The following SLC37A1 variants were observed in gnomAD, a reference collection of about 807,000 sequenced individuals.
The protein encoded by SLC37A1 is solute carrier family 37 member 1.
In SLC37A1, 49 loss-of-function variants were observed where a neutral mutation model predicts 75.3. The observed-to-expected ratio is 0.65, with a 90% CI of 0.52 to 0.83. SLC37A1 has a LOEUF of 0.83. Ranked by LOEUF, SLC37A1 falls within the 40% of genes least tolerant of loss-of-function variation. The pLI is 0.00. For synonymous variants in SLC37A1, 268 were observed against 292.1 expected, an observed-to-expected ratio of 0.92 and a Z score of 0.84; for missense variants, 566 against 695.0, an observed-to-expected ratio of 0.81 and a Z score of 2.09.
chr21:42,551,164 TAAG>T (rs1284832605), intron 9 of SLC37A1, among the ~76,000 whole-genome samples: 1 of 152,154 alleles, frequency 6.6e-6, no homozygotes, highest in Non-Finnish European at 1.5e-5. Context: ...CAGAAAATCA[TAAG>T]GAGTCCTCAA....
chr21:42,542,075 C>T lies in SLC37A1; in HGVS notation c.487-329C>T, dbSNP rs569647259. On this transcript the variant is annotated intron_variant, in intron 6 of 19. Coordinates refer to ENST00000352133, the MANE Select transcript of SLC37A1 (RefSeq NM_001320537.2). ...TGAAGTTTTTGGATTCAAAAGAGAC[C>T]GGGAAGCTTGGCCCCACACTGTTAT... Among the ~76,000 whole-genome samples the T allele has an allele frequency of 3.3e-5, 5 of 152,258 alleles. No individual in the cohort carries two copies. The South Asian group carries it at 8.3e-4, about 25-fold the overall frequency.
Position 42,565,833 on chromosome 21 carries a change from A to C in SLC37A1, c.1228A>C (p.Ile410Leu), listed in dbSNP as rs1276066163. 2 of 1,614,036 alleles carry C rather than the reference A, an allele frequency of 1.2e-6. No homozygotes were observed. The highest frequency in any genetic ancestry group is 1.1e-5 in the South Asian group (1 of 91,072). Reference protein sequence around the residue: ...MLLLAAPTLYIFSTVSKMGLE... With the variant: ...MLLLAAPTLYLFSTVSKMGLE... ...TGTGTCTTGATGTCCACAGCTCTACATCTTCTCCACCGTCAGCAAGATGGG... is the reference window on the plus strand; with the variant it reads ...TGTGTCTTGATGTCCACAGCTCTACCTCTTCTCCACCGTCAGCAAGATGGG... The change falls in exon 15 of 20, where the codon ATC (isoleucine) becomes CTC (leucine). Residue 410 changes from isoleucine (I) to leucine (L), a missense_variant. Ile to Leu is a conservative substitution (Grantham distance 5, BLOSUM62 2). Transcript: ENST00000352133.
At chr21:42,508,029 C>G (rs1443160447) in intron 2 of SLC37A1, among the ~76,000 whole-genome samples, 1 of 151,550 alleles carries the variant, frequency 6.6e-6, no homozygotes, top group East Asian at 1.9e-4. Flanking sequence ...GTCCATAAAT[C>G]ATCAAATGCT....
upstream of SLC37A1, among the ~76,000 whole-genome samples, chr21:42,510,705 C>CA (rs995607645): frequency 5.3e-5 from 8 of 151,616 alleles, no homozygotes; most frequent in African/African-American, 1.9e-4. Context: ...AAATAGAGAG[C>CA]AAAAAAGATA....
rs1203576418 is a variant in SLC37A1 at position 42,514,967 on chromosome 21, T to C, written c.-179+250T>C. On this transcript the variant is annotated intron_variant, in intron 1 of 19. Transcript: ENST00000352133. The surrounding 1 kb of genome is among the most constrained non-coding windows in gnomAD (Gnocchi z 4.8). ...GGATAAATATTTTAGACTTCCCCCG[T>C]TGTTTTTTTATTAATCCCCTTTGAG... is the stretch of plus-strand genomic sequence containing the variant. 6.6e-6 allele frequency: 1 copy of C among 152,280 alleles called. No individual in the cohort carries two copies. Among genetic ancestry groups the C allele is most frequent in the Non-Finnish European group, 1.5e-5 (1 of 68,078 alleles). 9.4% of individuals were successfully genotyped at this position (152,280 alleles called of 1,614,324 possible).
chr21:42,574,642 AC>A (rs1471261642), intron 17 of SLC37A1, among the ~76,000 whole-genome samples, 175 bp from the exon 18 acceptor site: 7 of 151,956 alleles, frequency 4.6e-5, no homozygotes, highest in Admixed American at 1.3e-4. Flanking sequence ...GGAAGGCTCA[AC>A]CTATACTAGG....
At chr21:42,522,804 G>T (rs952589585) in intron 2 of SLC37A1, among the ~76,000 whole-genome samples, 1 of 152,200 alleles carries the variant, frequency 6.6e-6, no homozygotes, top group African/African-American at 2.4e-5. Context: ...ATTCATTAAG[G>T]TGTCTCCCTC....
Position 42,518,407 on chromosome 21 carries a change from G to A in SLC37A1, c.-48G>A. The A allele has an allele frequency of 6.2e-7, 1 of 1,611,842 alleles. No homozygotes were observed. Among genetic ancestry groups the A allele is most frequent in the Non-Finnish European group, 8.5e-7 (1 of 1,178,044 alleles). On this transcript the variant is annotated 5_prime_UTR_variant, in exon 2 of 20. An upstream start codon of the reference 5' UTR is lost. Coordinates refer to ENST00000352133, the MANE Select transcript of SLC37A1 (RefSeq NM_001320537.2). Reference sequence around the variant, plus strand: ...GAGCCAGGATTAATGACTCATTTATGAAGCATCTTATTCTGCGACCGAGGC... The same window carrying A: ...GAGCCAGGATTAATGACTCATTTATAAAGCATCTTATTCTGCGACCGAGGC...
intron 2 of SLC37A1, among the ~76,000 whole-genome samples, chr21:42,507,174 C>T (rs1424394098): frequency 1.3e-5 from 2 of 152,238 alleles, no homozygotes; most frequent in Non-Finnish European, 2.9e-5. Flanking sequence ...TGAGCCACCA[C>T]ACCCAGCCCA....
rs1357565049 is a variant in SLC37A1 at position 42,545,181 on chromosome 21, A to G, written c.730+1579A>G. 1.3e-5 allele frequency among the ~76,000 whole-genome samples: 2 copies of G among 152,170 alleles called. No homozygotes were observed. The highest frequency in any genetic ancestry group is 2.9e-5 in the Non-Finnish European group (2 of 68,022). The stretch of plus-strand genomic sequence containing the variant: ...CCCTGGGTCCTCTGGCCACAGGCCC[A>G]CTCACCTACAGGAAGGCTGCATGCT... On this transcript the variant is annotated intron_variant, in intron 8 of 19. Coordinates refer to ENST00000352133, the MANE Select transcript of SLC37A1 (RefSeq NM_001320537.2). This position sits in a 1 kb window ranked among gnomAD's most constrained non-coding sequence, Gnocchi z 4.0.
chr21:42,527,130 G>T (rs1005026638), intron 3 of SLC37A1, among the ~76,000 whole-genome samples: 1 of 152,212 alleles, frequency 6.6e-6, no homozygotes, highest in African/African-American at 2.4e-5. Context: ...GTGGATTGTA[G>T]GGGAAGAAAA....
chr21:42,504,489 T>C (rs1328356016), intron 2 of SLC37A1, among the ~76,000 whole-genome samples: 1 of 152,250 alleles, frequency 6.6e-6, no homozygotes, highest in African/African-American at 2.4e-5. Flanking sequence ...TATTTTCTTT[T>C]GTTACTATCT....
chr21:42,570,822 T>G (rs1466640777), intron 17 of SLC37A1, among the ~76,000 whole-genome samples: 1 of 152,220 alleles, frequency 6.6e-6, no homozygotes, highest in African/African-American at 2.4e-5. Context: ...CAGAGGCCAC[T>G]GCCCACCACT....
At position 42,580,737 on chromosome 21, in the gene SLC37A1, C is replaced by G. The variant is rs567545617; in HGVS notation, c.*377C>G. On this transcript the variant is annotated 3_prime_UTR_variant, in exon 20 of 20. Transcript: ENST00000352133. The stretch of plus-strand genomic sequence containing the variant: ...CTCAGGCATTCCAGCCACAGAACAT[C>G]AAAGTGAGCGAGTACTGCGCTGGCT... The G allele has an allele frequency of 1.5e-5, 5 of 332,764 alleles. No homozygotes were observed. The highest frequency in any genetic ancestry group is 5.6e-6 in the Non-Finnish European group (1 of 178,272). The allele number at this position is 332,764 out of a possible 1,614,324, so 20.6% of individuals were successfully genotyped here.
chr21:42,518,522 T>A lies in SLC37A1; in HGVS notation c.56+12T>A, dbSNP rs1445993460. 4.3e-6 allele frequency: 7 copies of A among 1,613,956 alleles called. No individual in the cohort carries two copies. The highest frequency in any genetic ancestry group is 5.1e-6 in the Non-Finnish European group (6 of 1,179,966). ...TCCAGGGATCAGTGGTGAGTCCTGG[T>A]GGGGCAGGCCCTTGGCATGGAGCTG... is the stretch of plus-strand genomic sequence containing the variant. On this transcript the variant is annotated intron_variant, in intron 2 of 19. Transcript: ENST00000352133.
chr21:42,569,342 G>T (rs1379525407), intron 17 of SLC37A1, among the ~76,000 whole-genome samples: 1 of 152,172 alleles, frequency 6.6e-6, no homozygotes, highest in Admixed American at 6.5e-5. Flanking sequence ...GTTTCTGGGT[G>T]CCCACTGCTG....
chr21:42,565,913 G>GT, intron 15 of SLC37A1, 38 bp downstream of exon 15: 1 of 1,593,702 alleles, frequency 6.3e-7, no homozygotes. Context: ...TTCCACACAC[G>GT]TTTTTAAAGT....
At chr21:42,542,943 A>G (rs2055319689) in intron 7 of SLC37A1, among the ~76,000 whole-genome samples, 1 of 152,264 alleles carries the variant, frequency 6.6e-6, no homozygotes, top group Non-Finnish European at 1.5e-5. Flanking sequence ...TATTTGTAAA[A>G]TTCAGCTCAG....
rs751935696 is a variant in SLC37A1, at chr21:42,563,768, C to T, written c.1073-47C>T. The T allele has an allele frequency of 3.4e-5, 54 of 1,583,458 alleles. 1 individual carries two copies. The highest frequency in any genetic ancestry group is 1.8e-4 in the Middle Eastern group (1 of 5,652). ...TCTGCCATGGTGTGTCGCTGCGATG[C>T]GTGAAGGAGATCCTCACTGTTTCAC... On this transcript the variant is annotated intron_variant, in intron 12 of 19. Coordinates refer to ENST00000352133, the MANE Select transcript of SLC37A1 (RefSeq NM_001320537.2).
Sources: gnomAD v4.1 joint callset for allele counts (sites outside exome capture counted in the v4.1 genomes callset) on GRCh38, gnomAD v4.1.1 for gene constraint, Gnocchi (gnomAD v3.1) non-coding constraint, MANE v1.5 for transcripts, NCBI Gene and HGNC (gene_info 2026-07-23, HGNC 2026-07-21) for gene names.